The following PARVB variants were observed in gnomAD, a reference collection of about 807,000 sequenced individuals.
PARVB encodes the protein beta-parvin.
Under a neutral mutation model 47.0 loss-of-function variants are expected in PARVB, and 46 were observed. The observed-to-expected ratio is 0.98, with a 90% CI of 0.77 to 1.25. PARVB has a LOEUF of 1.25. PARVB is among the 50% of genes most tolerant of loss of function. The pLI, the probability that PARVB is intolerant of heterozygous loss-of-function variation, is 0.00. For synonymous variants in PARVB, 196 were observed against 196.3 expected (o/e 1.00, Z 0.01); for missense variants, 473 against 471.6 (o/e 1.00, Z -0.03).
At chr22:44,027,154 G>T (rs1470948486) in intron 1 of PARVB, among the ~76,000 whole-genome samples, 1 of 152,084 alleles carries the variant, frequency 6.6e-6, no homozygotes, top group Non-Finnish European at 1.5e-5. Context: ...AACCCCCAGG[G>T]CTCCCCACAG....
At chr22:44,126,009 G>A (rs1333916339) in intron 4 of PARVB, among the ~76,000 whole-genome samples, 1 of 152,110 alleles carries the variant, frequency 6.6e-6, no homozygotes, top group African/African-American at 2.4e-5. Context: ...GGAAGCCGTT[G>A]GGAGTAGGGT....
At chr22:44,099,499 G>A (rs8136740) in intron 2 of PARVB, among the ~76,000 whole-genome samples, 20 of 151,264 alleles carry the variant, frequency 1.3e-4, no homozygotes, top group Non-Finnish European at 2.7e-4. Context: ...GGCTGAACAC[G>A]TTTTGCTGTT....
At chr22:44,066,707 G>C (rs549601468) in intron 1 of PARVB, among the ~76,000 whole-genome samples, 26 of 151,606 alleles carry the variant, frequency 1.7e-4, no homozygotes, top group African/African-American at 6.3e-4. Context: ...TGATCATAAG[G>C]GTTCTTTCTT....
rs536406950 is a variant in PARVB, at chr22:44,126,707, G to T, written c.377-4780G>T. ...ATTGGTACTTTGCTCCCTACCTGAAGCAGATATTTTCTAATATTTTCAGAA... is the reference window on the plus strand; with the variant it reads ...ATTGGTACTTTGCTCCCTACCTGAATCAGATATTTTCTAATATTTTCAGAA... On this transcript the variant is annotated intron_variant, in intron 4 of 12. Coordinates refer to ENST00000338758, the MANE Select transcript of PARVB (RefSeq NM_013327.5). 4.6e-5 allele frequency among the ~76,000 whole-genome samples: 7 copies of T among 152,286 alleles called. No individual in the cohort carries two copies. In the South Asian group the frequency reaches 1.5e-3, roughly 32 times the overall value.
At position 44,039,127 on chromosome 22, in the gene PARVB, C is replaced by T. The variant is rs117190751; in HGVS notation, c.112+14676C>T. On this transcript the variant is annotated intron_variant, in intron 1 of 12. Transcript: ENST00000338758. ...GAGAATAGGACAGCTGCTACTCACT[C>T]AGGCTGGAGGGATGTGCAGTGGTGT... Among the ~76,000 whole-genome samples the T allele has an allele frequency of 3.9e-3, 589 of 152,294 alleles. 2 individuals are homozygous for T. Among genetic ancestry groups the T allele is most frequent in the Non-Finnish European group, 6.3e-3 (431 of 68,030 alleles).
chr22:43,999,834 GAAAA>G (rs113458130), intron 2 of PARVB, among the ~76,000 whole-genome samples: 872 of 69,336 alleles, frequency 0.013, 15 homozygotes, highest in African/African-American at 0.038. Flanking sequence ...CCATCTATAT[GAAAA>G]AAAAAAAAAA....
intron 4 of PARVB, among the ~76,000 whole-genome samples, chr22:44,130,298 A>G (rs1195513240): frequency 6.6e-6 from 1 of 152,238 alleles, no homozygotes; most frequent in East Asian, 1.9e-4. Context: ...TGGATCTATC[A>G]GTAAACACTG....
chr22:44,082,647 C>T (rs975152518), intron 1 of PARVB, among the ~76,000 whole-genome samples: 1 of 152,196 alleles, frequency 6.6e-6, no homozygotes, highest in Admixed American at 6.5e-5. Context: ...AGCTCACCGG[C>T]CCCTCCATGC....
intron 2 of PARVB, among the ~76,000 whole-genome samples, chr22:44,014,552 A>G (rs373912219): frequency 6.6e-6 from 1 of 152,218 alleles, no homozygotes; most frequent in East Asian, 1.9e-4. Flanking sequence ...TCTGCATCTC[A>G]TTAAATTCTC....
chr22:44,096,800 G>A (rs964490495), intron 2 of PARVB, among the ~76,000 whole-genome samples: 2 of 152,252 alleles, frequency 1.3e-5, no homozygotes, highest in East Asian at 1.9e-4. Flanking sequence ...TGGCTATGAC[G>A]CACAAGGTGG....
At chr22:43,999,309 A>G (rs1185186785) in exon 1 of PARVB, 1 of 1,525,862 alleles carries the variant, frequency 6.6e-7, no homozygotes. Context: ...AGACCAGATA[A>G]ATTTACCTTT....
intron 3 of PARVB, chr22:44,109,941 G>A (rs866289996): frequency 1.6e-4 from 24 of 150,896 alleles, no homozygotes; most frequent in African/African-American, 5.4e-4. Flanking sequence ...GTGAAACCCC[G>A]TCTCTACTAA....
Position 44,169,712 on chromosome 22 carries a change from G to A in PARVB, c.*1034G>A, listed in dbSNP as rs9614358. The A allele has an allele frequency of 0.36, 53,455 of 149,434 alleles. 10,821 individuals are homozygous for A. Among genetic ancestry groups the A allele is most frequent in the Admixed American group, 0.43 (6,558 of 15,182 alleles). 9.3% of individuals were successfully genotyped at this position (149,434 alleles called of 1,614,324 possible). On this transcript the variant is annotated 3_prime_UTR_variant, in exon 13 of 13. Coordinates refer to ENST00000338758, the MANE Select transcript of PARVB (RefSeq NM_013327.5). ...CTCTTTTATTTTATTTTTTATTTTT[G>A]TTTTTATTTTTTGAGACAGAGTCTC...
At chr22:44,016,099 C>CT (rs562590606) in intron 2 of PARVB, among the ~76,000 whole-genome samples, 28,189 of 128,880 alleles carry the variant, frequency 0.22, 3,734 homozygotes, top group African/African-American at 0.31. Flanking sequence ...TTCTTTCTTT[C>CT]TTTTTTTTTT....
At chr22:44,057,233 T>A (rs929654858) in intron 1 of PARVB, among the ~76,000 whole-genome samples, 1 of 152,144 alleles carries the variant, frequency 6.6e-6, no homozygotes, top group Non-Finnish European at 1.5e-5. Flanking sequence ...AATTATTTTT[T>A]AAAAATGTGA....
chr22:44,136,433 T>G (rs769902408), intron 6 of PARVB, 27 bp from the exon 7 acceptor site: 4 of 1,610,198 alleles, frequency 2.5e-6, no homozygotes, highest in Non-Finnish European at 3.4e-6. Context: ...ACTGCCTGAT[T>G]TTGTATGTTT....
In PARVB at chr22:44,172,833, T is replaced by C. The variant is rs2054281557; in HGVS notation, c.*4155T>C. The C allele has an allele frequency of 1.7e-6, 1 of 571,770 alleles. No individual in the cohort carries two copies. Among genetic ancestry groups the C allele is most frequent in the Non-Finnish European group, 2.6e-6 (1 of 380,870 alleles). 35.4% of individuals were successfully genotyped at this position (571,770 alleles called of 1,614,324 possible). On this transcript the variant is annotated 3_prime_UTR_variant, in exon 13 of 13. Coordinates refer to ENST00000338758, the MANE Select transcript of PARVB (RefSeq NM_013327.5). ...CAGGAAGCAAGCGCTTTTCAGGAGCTCACTGCAACACCGGGCAAACACTTC... is the reference window on the plus strand; with the variant it reads ...CAGGAAGCAAGCGCTTTTCAGGAGCCCACTGCAACACCGGGCAAACACTTC...
intron 2 of PARVB, among the ~76,000 whole-genome samples, chr22:44,005,974 C>T (rs532857728): frequency 6.6e-6 from 1 of 152,318 alleles, no homozygotes; most frequent in Admixed American, 6.5e-5. Flanking sequence ...AACGCCAAGA[C>T]TCATAATCAA....
intron 8 of PARVB, chr22:44,143,447 A>G (rs1056548600): frequency 6.6e-6 from 1 of 152,464 alleles, no homozygotes; most frequent in Non-Finnish European, 1.5e-5. Flanking sequence ...CTGCCAAAGC[A>G]GCCAGCCCTG....
Sources: allele counts gnomAD v4.1 joint callset (sites outside exome capture counted in the v4.1 genomes callset), GRCh38; gene constraint gnomAD v4.1.1; transcripts MANE v1.5; gene names NCBI Gene and HGNC (gene_info 2026-07-23, HGNC 2026-07-21).